IL1RAPL1: variants seen among roughly 807,000 people sequenced by gnomAD.
The protein encoded by IL1RAPL1 is interleukin-1 receptor accessory protein-like 1.
In IL1RAPL1, 3 loss-of-function variants were observed where a neutral mutation model predicts 48.4. The observed-to-expected ratio is 0.06, with a 90% CI of 0.03 to 0.16. The LOEUF (loss-of-function observed/expected upper bound fraction) is 0.16, where lower values mean the gene tolerates loss of function less well. Ranked by LOEUF, IL1RAPL1 falls within the 10% of genes least tolerant of loss-of-function variation. The pLI is 1.00. For synonymous variants in IL1RAPL1, 185 were observed against 187.7 expected, an observed-to-expected ratio of 0.99 and a Z score of 0.12; for missense variants, 349 against 530.6, an observed-to-expected ratio of 0.66 and a Z score of 3.36.
intron 3 of IL1RAPL1, among the ~76,000 whole-genome samples, chrX:29,299,984 AC>A (rs1455049325): frequency 1.8e-5 from 2 of 111,224 alleles, no homozygotes; most frequent in African/African-American, 3.3e-5. Flanking sequence ...TGGCACATCC[AC>A]CTTTTTTCTC....
At chrX:29,396,695 A>G (rs916488223) in intron 4 of IL1RAPL1, among the ~76,000 whole-genome samples, 5 of 111,799 alleles carry the variant, frequency 4.5e-5, no homozygotes, top group Non-Finnish European at 9.4e-5. Context: ...TCCATGGACA[A>G]TTCTTTCAAG....
intron 5 of IL1RAPL1, among the ~76,000 whole-genome samples, chrX:29,620,972 G>A (rs1337435348): frequency 8.9e-6 from 1 of 111,792 alleles, no homozygotes; most frequent in East Asian, 2.8e-4. Context: ...TCTTTAAATA[G>A]AAAGAATTCT....
intron 5 of IL1RAPL1, among the ~76,000 whole-genome samples, chrX:29,649,994 T>A (rs1043693399): frequency 9.0e-6 from 1 of 111,708 alleles, no homozygotes; most frequent in East Asian, 2.8e-4. Flanking sequence ...AATATTATTT[T>A]AAAATCTTTA....
Position 29,005,663 on chromosome X carries a change from G to T in IL1RAPL1, c.82+216238G>T, listed in dbSNP as rs182839190. On this transcript the variant is annotated intron_variant, in intron 2 of 10. Coordinates refer to ENST00000378993, the MANE Select transcript of IL1RAPL1 (RefSeq NM_014271.4). Reference sequence around the variant, plus strand: ...TCCCCATTATGGTTTGTCTGTGTTTGCGAGTAAAGACGTGTCTTAATTAAA... The same window carrying T: ...TCCCCATTATGGTTTGTCTGTGTTTTCGAGTAAAGACGTGTCTTAATTAAA... Among the ~76,000 whole-genome samples, 392 of 111,602 alleles carry T rather than the reference G, an allele frequency of 3.5e-3. 1 individual carries two copies. The highest frequency in any genetic ancestry group is 5.6e-3 in the Non-Finnish European group (300 of 53,105).
At chrX:29,847,872 A>G (rs1032774564) in intron 6 of IL1RAPL1, among the ~76,000 whole-genome samples, 1 of 111,981 alleles carries the variant, frequency 8.9e-6, no homozygotes, top group African/African-American at 3.2e-5. Context: ...GGTTTAATAT[A>G]CAAATTAAAA....
chrX:28,822,539 C>T (rs1936947680), intron 2 of IL1RAPL1, among the ~76,000 whole-genome samples: 2 of 111,931 alleles, frequency 1.8e-5, no homozygotes, highest in South Asian at 7.3e-4. Context: ...CCACATAGTG[C>T]TGTCATCCTT....
chrX:28,760,414 G>A (rs954278092), intron 1 of IL1RAPL1, among the ~76,000 whole-genome samples: 2 of 111,650 alleles, frequency 1.8e-5, no homozygotes, highest in African/African-American at 6.5e-5. Flanking sequence ...CCAAACAAAT[G>A]TCTTAGCTGT....
At chrX:29,837,752 C>T (rs1039753344) in intron 6 of IL1RAPL1, among the ~76,000 whole-genome samples, 1 of 112,348 alleles carries the variant, frequency 8.9e-6, no homozygotes, top group African/African-American at 3.2e-5. Flanking sequence ...TGAAACAGAA[C>T]ATAGCACTGT....
intron 2 of IL1RAPL1, among the ~76,000 whole-genome samples, chrX:29,145,014 C>A (rs940404114): frequency 2.7e-5 from 3 of 110,737 alleles, no homozygotes; most frequent in African/African-American, 9.9e-5. Context: ...CAGGCATGAG[C>A]CACCATGCCC....
At chrX:29,786,341 T>G (rs1382056071) in intron 6 of IL1RAPL1, among the ~76,000 whole-genome samples, 1 of 110,887 alleles carries the variant, frequency 9.0e-6, no homozygotes, top group Non-Finnish European at 1.9e-5. Flanking sequence ...CAGATCCATT[T>G]TTAGAGAAAC....
rs186543872 is a variant in IL1RAPL1, at chrX:29,144,872, G to A, written c.83-138066G>A. Reference sequence around the variant, plus strand: ...CTCCTGAGGAGCTGGGATTACAGGCGCGCACCACCATGCCTGGCTTATTTT... The same window carrying A: ...CTCCTGAGGAGCTGGGATTACAGGCACGCACCACCATGCCTGGCTTATTTT... On this transcript the variant is annotated intron_variant, in intron 2 of 10. Coordinates refer to ENST00000378993, the MANE Select transcript of IL1RAPL1 (RefSeq NM_014271.4). Among the ~76,000 whole-genome samples the A allele has an allele frequency of 1.1e-4, 12 of 106,748 alleles. No individual in the cohort carries two copies. In the East Asian group the frequency reaches 1.2e-3, roughly 11 times the overall value. The allele number at this position is 106,748 out of a possible 115,157, so 92.7% of individuals were successfully genotyped here.
At chrX:29,444,917 G>T (rs763723093) in intron 5 of IL1RAPL1, among the ~76,000 whole-genome samples, 2 of 112,033 alleles carry the variant, frequency 1.8e-5, no homozygotes, top group African/African-American at 6.5e-5. Flanking sequence ...TGATGTGAAA[G>T]AACCCACTTT....
intron 2 of IL1RAPL1, among the ~76,000 whole-genome samples, chrX:29,265,138 C>G (rs1361949871): frequency 9.0e-6 from 1 of 111,048 alleles, no homozygotes; most frequent in Non-Finnish European, 1.9e-5. Flanking sequence ...GTCTCGAACT[C>G]CTGGCCTCAG....
chrX:29,257,811 G>GT, intron 2 of IL1RAPL1, among the ~76,000 whole-genome samples: 1 of 111,652 alleles, frequency 9.0e-6, no homozygotes, highest in African/African-American at 3.2e-5. Context: ...TTCTCTGGCT[G>GT]TAATTTTTAT....
At chrX:28,858,267 A>G (rs1478851649) in intron 2 of IL1RAPL1, among the ~76,000 whole-genome samples, 1 of 112,664 alleles carries the variant, frequency 8.9e-6, no homozygotes, top group East Asian at 2.8e-4. Flanking sequence ...AATGACAACA[A>G]AAGATTCAGA....
At chrX:29,071,058 C>A (rs1176599982) in intron 2 of IL1RAPL1, among the ~76,000 whole-genome samples, 2 of 111,475 alleles carry the variant, frequency 1.8e-5, no homozygotes, top group East Asian at 5.6e-4. Context: ...TGTAATTGAA[C>A]AGATTTGAGG....
chrX:29,425,057 C>T (rs779831975), intron 5 of IL1RAPL1, among the ~76,000 whole-genome samples: 2 of 111,803 alleles, frequency 1.8e-5, no homozygotes, highest in Non-Finnish European at 3.8e-5. Context: ...GGGACTCCAA[C>T]TTATGAAGCC....
At chrX:29,745,607 C>T (rs1928318368) in intron 6 of IL1RAPL1, among the ~76,000 whole-genome samples, 1 of 107,631 alleles carries the variant, frequency 9.3e-6, no homozygotes, top group Non-Finnish European at 1.9e-5. Flanking sequence ...CCAACATGCC[C>T]GGCTCATTTT....
chrX:28,661,292 T>G (rs1198773670), intron 1 of IL1RAPL1, among the ~76,000 whole-genome samples: 1 of 112,136 alleles, frequency 8.9e-6, no homozygotes, highest in Non-Finnish European at 1.9e-5. Context: ...GGGTAACTAC[T>G]GTCTCATTAA....
Sources: allele counts gnomAD v4.1 joint callset (sites outside exome capture counted in the v4.1 genomes callset), GRCh38; gene constraint gnomAD v4.1.1; transcripts MANE v1.5; gene names NCBI Gene and HGNC (gene_info 2026-07-23, HGNC 2026-07-21).